Variants in KIT observed in about 807,000 individuals in gnomAD.
The protein encoded by KIT is mast/stem cell growth factor receptor Kit.
In KIT, 16 loss-of-function variants were observed where a neutral mutation model predicts 105.7. That is an observed-to-expected ratio of 0.15 (90% CI 0.10 to 0.23). KIT has a LOEUF of 0.23. Among genes scored for constraint, KIT ranks in the 10% least tolerant of loss-of-function variants. The pLI is 1.00. For synonymous variants in KIT, 438 were observed against 441.1 expected (o/e 0.99, Z 0.09); for missense variants, 858 against 1,213.8 (o/e 0.71, Z 4.36).
At chr4:54,701,479 C>T (rs113376024) in intron 4 of KIT, among the ~76,000 whole-genome samples, 204 of 152,244 alleles carry the variant, frequency 1.3e-3, no homozygotes, top group Non-Finnish European at 2.2e-3. Flanking sequence ...ATTGTTTAAG[C>T]GCAAGGGAGT....
Position 54,738,755 on chromosome 4 carries a change from A to G in KIT, c.*198A>G, listed in dbSNP as rs886059464. On this transcript the variant is annotated 3_prime_UTR_variant, in exon 21 of 21. Coordinates refer to ENST00000288135, the MANE Select transcript of KIT (RefSeq NM_000222.3). ...ATCCTATTGCAAAGGTTCCAACTGT[A>G]TATATTCCCAATAGCAACGTAGCTT... The G allele has an allele frequency of 6.7e-5, 45 of 667,226 alleles. No homozygotes were observed. Among genetic ancestry groups the G allele is most frequent in the Middle Eastern group, 8.1e-4 (2 of 2,474 alleles). 41.3% of individuals were successfully genotyped at this position (667,226 alleles called of 1,614,324 possible).
chr4:54,718,888 G>T (rs182598981), intron 7 of KIT, among the ~76,000 whole-genome samples: 25 of 152,228 alleles, frequency 1.6e-4, no homozygotes, highest in African/African-American at 5.8e-4. Context: ...TTTTTAAAAA[G>T]TATAATATTC....
intron 1 of KIT, among the ~76,000 whole-genome samples, chr4:54,659,524 A>G (rs1717085312): frequency 6.6e-6 from 1 of 152,188 alleles, no homozygotes. Flanking sequence ...CAGTTTCTCT[A>G]TAAAGTCTCC....
chr4:54,684,159 A>T (rs996293310), intron 1 of KIT, among the ~76,000 whole-genome samples: 3 of 145,148 alleles, frequency 2.1e-5, no homozygotes, highest in Admixed American at 6.7e-5. Context: ...TTGAACGCCC[A>T]CACAGAGGTG....
rs372081193 is a variant in KIT at position 54,727,812 on chromosome 4, C to T, written c.1775-11C>T. On this transcript the variant is annotated splice_polypyrimidine_tract_variant and intron_variant, in intron 11 of 20. Coordinates refer to ENST00000288135, the MANE Select transcript of KIT (RefSeq NM_000222.3). ...CCATCACCACTTACCTTGTTGTCTT[C>T]CTTCCTACAGGGAAAACCCTGGGTG... The T allele has an allele frequency of 6.2e-7, 1 of 1,609,010 alleles. No homozygotes were observed. The highest frequency in any genetic ancestry group is 1.1e-5 in the South Asian group (1 of 90,924).
intron 14 of KIT, among the ~76,000 whole-genome samples, chr4:54,730,644 A>G (rs922283231): frequency 1.3e-5 from 2 of 152,218 alleles, no homozygotes; most frequent in African/African-American, 2.4e-5. Flanking sequence ...TTCTGATATA[A>G]TGGCCTAAAT....
intron 1 of KIT, among the ~76,000 whole-genome samples, chr4:54,664,930 T>A (rs1717576768): frequency 6.6e-6 from 1 of 151,570 alleles, no homozygotes; most frequent in African/African-American, 2.4e-5. Flanking sequence ...TAAAATGAAA[T>A]TTACTACCTT....
intron 7 of KIT, among the ~76,000 whole-genome samples, chr4:54,719,580 A>G (rs1016580926): frequency 7.1e-6 from 1 of 141,064 alleles, no homozygotes; most frequent in African/African-American, 2.5e-5. Flanking sequence ...ATTTTTTTTT[A>G]TCTCCACAGG....
chr4:54,690,494 TC>T (rs1287227373), intron 1 of KIT, among the ~76,000 whole-genome samples: 1 of 152,238 alleles, frequency 6.6e-6, no homozygotes, highest in African/African-American at 2.4e-5. Context: ...CTTAAAGCCG[TC>T]ATTCCTTATA....
chr4:54,713,260 C>T (rs1025782516), intron 7 of KIT, among the ~76,000 whole-genome samples: 1 of 152,018 alleles, frequency 6.6e-6, no homozygotes, highest in Non-Finnish European at 1.5e-5. Flanking sequence ...CCCTCACCCC[C>T]CTCCCACCCT....
chr4:54,684,860 T>G (rs1294960797), intron 1 of KIT, among the ~76,000 whole-genome samples: 1 of 152,114 alleles, frequency 6.6e-6, no homozygotes. Flanking sequence ...TGCTAATGAG[T>G]GTATGAGTTC....
At position 54,736,812 on chromosome 4, in the gene KIT, T is replaced by C; in HGVS notation, c.2688T>C (p.Pro896=). The change falls in exon 19 of 21, where the codon CCT becomes CCC. Residue 896 remains proline (P), a synonymous_variant. Transcript: ENST00000288135. The part of the protein sequence containing the change: ...GFRMLSPEHA[P]AEMYDIMKTC... ...GGATGCTCAGCCCTGAACACGCACC[T>C]GCTGAAATGTAAGAGCCAAAAAATT... The C allele has an allele frequency of 6.2e-7, 1 of 1,613,884 alleles. No individual in the cohort carries two copies. Among genetic ancestry groups the C allele is most frequent in the South Asian group, 1.1e-5 (1 of 91,082 alleles).
intron 13 of KIT, among the ~76,000 whole-genome samples, chr4:54,728,696 A>G (rs1158745101): frequency 3.3e-5 from 5 of 152,230 alleles, no homozygotes; most frequent in South Asian, 2.1e-4. Context: ...ACAGCCTTAT[A>G]TCATGTCTTC....
intron 17 of KIT, among the ~76,000 whole-genome samples, chr4:54,734,719 T>C (rs1722818140): frequency 2.0e-5 from 3 of 152,178 alleles, no homozygotes; most frequent in Non-Finnish European, 4.4e-5. Context: ...GAGATCTCCT[T>C]GTTGTGTCAG....
intron 1 of KIT, among the ~76,000 whole-genome samples, chr4:54,670,750 C>T (rs1241341462): frequency 6.6e-6 from 1 of 152,182 alleles, no homozygotes; most frequent in Non-Finnish European, 1.5e-5. Context: ...CAAGTTCACT[C>T]TCCCTTCTTC....
intron 18 of KIT, 40 bp downstream of exon 18, chr4:54,736,649 G>C: frequency 6.3e-7 from 1 of 1,596,804 alleles, no homozygotes; most frequent in Non-Finnish European, 8.6e-7. Flanking sequence ...ATTAGACTCA[G>C]AGCATCTTCT....
chr4:54,678,342 TTCCTTCCTTCCCTCCC>T (rs1420129100), intron 1 of KIT, among the ~76,000 whole-genome samples: 6 of 93,692 alleles, frequency 6.4e-5, no homozygotes, highest in East Asian at 6.3e-4. Context: ...CCTTCCTTCC[TTCCTTCCTTCCCTCCC>T]TCCCTCCCTC....
rs1263509542 is a variant in KIT at position 54,737,259 on chromosome 4, G to A, written c.2781G>A (p.Gln927=). Residue 927 remains glutamine (Q), a synonymous_variant, in exon 20 of 21, where the codon CAG becomes CAA. Coordinates refer to ENST00000288135, the MANE Select transcript of KIT (RefSeq NM_000222.3). ...AAATTGTTCAGCTAATTGAGAAGCA[G>A]ATTTCAGAGAGCACCAATCATGTGA... ...FKQIVQLIEK[Q]ISESTNHIYS... The A allele has an allele frequency of 1.2e-6, 2 of 1,612,338 alleles. No individual in the cohort carries two copies. The highest frequency in any genetic ancestry group is 1.7e-5 in the Admixed American group (1 of 60,006).
At position 54,695,549 on chromosome 4, in the gene KIT, T is replaced by A; in HGVS notation, c.105T>A (p.Ser35=). 1 of 1,614,216 alleles carries A rather than the reference T, an allele frequency of 6.2e-7. No individual in the cohort carries two copies. The highest frequency in any genetic ancestry group is 8.5e-7 in the Non-Finnish European group (1 of 1,180,042). ...SQPSVSPGEP[S]PPSIHPGKSD... Reference sequence around the variant, plus strand: ...CATCTGTGAGTCCAGGGGAACCGTCTCCACCATCCATCCATCCAGGAAAAT... The same window carrying A: ...CATCTGTGAGTCCAGGGGAACCGTCACCACCATCCATCCATCCAGGAAAAT... The change falls in exon 2 of 21, where the codon TCT becomes TCA. Residue 35 remains serine (S), a synonymous_variant. Transcript: ENST00000288135.
Sources: allele counts gnomAD v4.1 joint callset (sites outside exome capture counted in the v4.1 genomes callset), GRCh38; gene constraint gnomAD v4.1.1; transcripts MANE v1.5; gene names NCBI Gene and HGNC (gene_info 2026-07-23, HGNC 2026-07-21).